The following FAM13A variants were observed in gnomAD, a reference collection of about 807,000 sequenced individuals.
The protein encoded by FAM13A is protein FAM13A.
In FAM13A, 76 loss-of-function variants were observed where a neutral mutation model predicts 129.6. The observed-to-expected ratio is 0.59, with a 90% confidence interval of 0.49 to 0.71. FAM13A has a LOEUF of 0.71. FAM13A is among the 30% of genes least tolerant of loss of function. The pLI, the probability that FAM13A is intolerant of heterozygous loss-of-function variation, is 0.00. For missense variants in FAM13A, 1,108 were observed against 1,249.3 expected, an observed-to-expected ratio of 0.89 and a Z score of 1.70; for synonymous variants, 443 against 449.9, an observed-to-expected ratio of 0.98 and a Z score of 0.20.
chr4:88,887,588 T>C (rs10033824), intron 6 of FAM13A, among the ~76,000 whole-genome samples: 36,972 of 150,048 alleles, frequency 0.25, 4,714 homozygotes, highest in East Asian at 0.34. Flanking sequence ...TGGAGTGCAG[T>C]AGCATGATCT....
At chr4:88,757,439 TG>T (rs1018066747) in intron 14 of FAM13A, among the ~76,000 whole-genome samples, 1 of 152,092 alleles carries the variant, frequency 6.6e-6, no homozygotes, top group Admixed American at 6.5e-5. Flanking sequence ...GGGACTTTTT[TG>T]GGGGGAGGTG....
At chr4:89,044,346 G>A (rs535367360) in intron 1 of FAM13A, among the ~76,000 whole-genome samples, 4 of 152,022 alleles carry the variant, frequency 2.6e-5, no homozygotes, top group Admixed American at 6.5e-5. Flanking sequence ...TGGTCTTTAG[G>A]GAAGTGAGAA....
At chr4:88,963,213 C>A (rs1032855879) in intron 4 of FAM13A, among the ~76,000 whole-genome samples, 6 of 152,000 alleles carry the variant, frequency 3.9e-5, no homozygotes, top group Admixed American at 1.3e-4. Context: ...CCAGACCCAA[C>A]AAACAACTTT....
At chr4:88,929,918 T>A (rs1752778475) in intron 5 of FAM13A, among the ~76,000 whole-genome samples, 1 of 152,160 alleles carries the variant, frequency 6.6e-6, no homozygotes, top group Admixed American at 6.6e-5. Flanking sequence ...TTGAATTTTT[T>A]TGTAAAGACA....
chr4:88,858,197 T>G (rs1388435459), intron 6 of FAM13A, among the ~76,000 whole-genome samples: 1 of 152,150 alleles, frequency 6.6e-6, no homozygotes, highest in Non-Finnish European at 1.5e-5. Context: ...AGCCTCACCT[T>G]TTAGAAGCTA....
intron 6 of FAM13A, among the ~76,000 whole-genome samples, chr4:88,875,700 A>G (rs1271498702): frequency 6.6e-6 from 1 of 152,232 alleles, no homozygotes; most frequent in Non-Finnish European, 1.5e-5. Context: ...GTGGGACTGT[A>G]AACTAGTTCA....
At chr4:88,862,110 C>G (rs572501263) in intron 6 of FAM13A, among the ~76,000 whole-genome samples, 3 of 152,312 alleles carry the variant, frequency 2.0e-5, no homozygotes, top group South Asian at 2.1e-4. Flanking sequence ...TATTTCTGCA[C>G]TCTAGAGCTT....
chr4:88,923,256 G>T (rs1158899044), intron 5 of FAM13A, among the ~76,000 whole-genome samples: 1 of 152,120 alleles, frequency 6.6e-6, no homozygotes, highest in Non-Finnish European at 1.5e-5. Context: ...ACAAAAAAGA[G>T]AATTTTAGAC....
At chr4:88,743,173 A>C (rs1740607226) in intron 19 of FAM13A, among the ~76,000 whole-genome samples, 1 of 152,156 alleles carries the variant, frequency 6.6e-6, no homozygotes, top group African/African-American at 2.4e-5. Context: ...TTACTACCCT[A>C]TTTGGTTGTC....
chr4:88,997,467 T>C (rs1763701004), intron 3 of FAM13A, among the ~76,000 whole-genome samples: 1 of 152,162 alleles, frequency 6.6e-6, no homozygotes, highest in Admixed American at 6.6e-5. Flanking sequence ...CAGACAAATC[T>C]ACTCAGCACT....
At chr4:88,822,903 A>C (rs1418141000) in intron 7 of FAM13A, 1 of 1,577,546 alleles carries the variant, frequency 6.3e-7, no homozygotes, top group East Asian at 2.3e-5. Flanking sequence ...GATGCCAAGT[A>C]CTGGCAAAGT....
At chr4:88,933,370 T>A (rs1753353532) in intron 5 of FAM13A, among the ~76,000 whole-genome samples, 1 of 152,104 alleles carries the variant, frequency 6.6e-6, no homozygotes, top group Admixed American at 6.6e-5. Flanking sequence ...CCCCTCAATA[T>A]CTGCCACCCT....
At chr4:88,943,895 C>T (rs904843771) in intron 4 of FAM13A, among the ~76,000 whole-genome samples, 1 of 152,118 alleles carries the variant, frequency 6.6e-6, no homozygotes, top group Non-Finnish European at 1.5e-5. Context: ...CTGAAGGACA[C>T]ATTTTTTTTC....
At chr4:88,846,000 ATAT>A (rs1474288837) in intron 7 of FAM13A, among the ~76,000 whole-genome samples, 2 of 152,304 alleles carry the variant, frequency 1.3e-5, no homozygotes, top group South Asian at 2.1e-4. Context: ...TATATTCTTC[ATAT>A]TATTTTAGAT....
intron 6 of FAM13A, among the ~76,000 whole-genome samples, chr4:88,904,251 G>C (rs1258961868): frequency 2.0e-5 from 3 of 152,128 alleles, no homozygotes; most frequent in Non-Finnish European, 2.9e-5. Context: ...ATATGACCCA[G>C]CAATCCCATT....
At chr4:88,738,879 C>A in intron 20 of FAM13A, 151 bp downstream of exon 20, 2 of 604,690 alleles carry the variant, frequency 3.3e-6, no homozygotes, top group South Asian at 4.2e-5. Flanking sequence ...AGTCTTCATT[C>A]CTCAAGCTTG....
chr4:88,755,205 C>T (rs1038823138), intron 14 of FAM13A, among the ~76,000 whole-genome samples: 33 of 152,252 alleles, frequency 2.2e-4, no homozygotes, highest in African/African-American at 7.7e-4. Flanking sequence ...TGTTCAGAGC[C>T]ACCCATGGCC....
intron 1 of FAM13A, among the ~76,000 whole-genome samples, chr4:89,045,823 AGACCAGTCT>A (rs1770766519): frequency 6.6e-6 from 1 of 152,124 alleles, no homozygotes; most frequent in South Asian, 2.1e-4. Context: ...TGGGAGTTTG[AGACCAGTCT>A]GACCAACATG....
intron 19 of FAM13A, among the ~76,000 whole-genome samples, chr4:88,741,541 G>A (rs1740258983): frequency 6.6e-6 from 1 of 152,164 alleles, no homozygotes; most frequent in South Asian, 2.1e-4. Flanking sequence ...GCAACGTTTT[G>A]TTTTTTGATA....
Sources: allele counts gnomAD v4.1 joint callset (sites outside exome capture counted in the v4.1 genomes callset), GRCh38; gene constraint gnomAD v4.1.1; transcripts MANE v1.5; gene names NCBI Gene and HGNC (gene_info 2026-07-23, HGNC 2026-07-21).